Variants in EP300 observed in about 807,000 individuals in gnomAD.
EP300 encodes the protein histone acetyltransferase p300.
Under a neutral mutation model 264.0 loss-of-function variants are expected in EP300, and 31 were observed. That is an observed-to-expected ratio of 0.12 (90% CI 0.09 to 0.16). EP300 has a LOEUF of 0.16. EP300 is among the 10% of genes least tolerant of loss of function. EP300 has a pLI of 1.00. For synonymous variants in EP300, 1,340 were observed against 1,045.4 expected, an observed-to-expected ratio of 1.28 and a Z score of -5.44; for missense variants, 2,766 against 3,052.9, an observed-to-expected ratio of 0.91 and a Z score of 2.21.
chr22:41,168,103 T>C, intron 23 of EP300: 1 of 346,150 alleles, frequency 2.9e-6, no homozygotes, highest in South Asian at 2.3e-5. Flanking sequence ...ATTACAGGCA[T>C]GAGCTACCGC....
In EP300 at chr22:41,117,220, T is replaced by C; in HGVS notation, c.128T>C (p.Leu43Ser). Residue 43 changes from leucine (L) to serine (S), a missense_variant, in exon 2 of 31, where the codon TTA (leucine) becomes TCA (serine). Physicochemically the swap from Leu to Ser is moderately radical, Grantham distance 145. Transcript: ENST00000263253. Reference sequence around the variant, plus strand: ...TCTCTATTTGACTTGGAGCACGACTTACCAGATGAATTAATCAACTCTACA... The same window carrying C: ...TCTCTATTTGACTTGGAGCACGACTCACCAGATGAATTAATCAACTCTACA... The part of the protein sequence containing the change: ...FGSLFDLEHD[L>S]PDELINSTEL... 1 of 1,614,228 alleles carries C rather than the reference T, an allele frequency of 6.2e-7. No homozygotes were observed. The highest frequency in any genetic ancestry group is 1.3e-5 in the African/African-American group (1 of 75,046).
intron 2 of EP300, among the ~76,000 whole-genome samples, chr22:41,118,573 G>A (rs1203034920): frequency 6.6e-6 from 1 of 152,236 alleles, no homozygotes; most frequent in African/African-American, 2.4e-5. Context: ...CTTCGAAGAT[G>A]AAATTGGAGA....
rs754192020 is a variant in EP300, at chr22:41,137,690, G to T, written c.1660G>T (p.Gly554Cys). 5 of 1,613,954 alleles carry T rather than the reference G, an allele frequency of 3.1e-6. No individual in the cohort carries two copies. The Admixed American group carries it at 5.0e-5, about 16-fold the overall frequency. The change falls in exon 8 of 31, where the codon GGT becomes TGT. Residue 554 changes from glycine (G) to cysteine (C), a missense_variant. Coordinates refer to ENST00000263253, the MANE Select transcript of EP300 (RefSeq NM_001429.4). ...TGAAAATGCCAGTGTGCCCTCCCTG[G>T]GTCCTATGCCAACAGCAGCTCAACC... ...MSENASVPSL[G>C]PMPTAAQPST...
Position 41,178,450 on chromosome 22 carries a change from C to G in EP300, c.6739C>G (p.Gln2247Glu). The G allele has an allele frequency of 6.2e-7, 1 of 1,614,118 alleles. No individual in the cohort carries two copies. The highest frequency in any genetic ancestry group is 8.5e-7 in the Non-Finnish European group (1 of 1,180,022). The change falls in exon 31 of 31, where the codon CAG becomes GAG. Residue 2247 changes from glutamine to glutamate, a missense_variant. Coordinates refer to ENST00000263253, the MANE Select transcript of EP300 (RefSeq NM_001429.4). ...GNMGQIGQLP[Q>E]ALGAEAGASL... ...TATGGGACAGATAGGCCAGCTTCCC[C>G]AGGCCTTGGGAGCAGAGGCAGGTGC...
Position 41,149,195 on chromosome 22 carries a change from T to G in EP300, c.2379+20T>G. The G allele has an allele frequency of 6.2e-7, 1 of 1,614,076 alleles. No homozygotes were observed. Among genetic ancestry groups the G allele is most frequent in the South Asian group, 1.1e-5 (1 of 91,072 alleles). The stretch of plus-strand genomic sequence containing the variant: ...TCTCAAGTATGTCTCATAAGTGGAT[T>G]TTTCACTTATTTTTGATTCTTGAAA... On this transcript the variant is annotated intron_variant, in intron 13 of 30. Coordinates refer to ENST00000263253, the MANE Select transcript of EP300 (RefSeq NM_001429.4).
chr22:41,164,022 G>T (rs376957103), intron 21 of EP300, 31 bp from the exon 22 acceptor site: 25 of 1,606,930 alleles, frequency 1.6e-5, no homozygotes, highest in Non-Finnish European at 2.0e-5. Flanking sequence ...AAGGTTTGGG[G>T]TTAATTTTGG....
At chr22:41,100,075 T>A (rs559847755) in intron 1 of EP300, among the ~76,000 whole-genome samples, 1 of 151,864 alleles carries the variant, frequency 6.6e-6, no homozygotes, top group Non-Finnish European at 1.5e-5. Context: ...AGAAAAAAAA[T>A]TTAAAAAGTC....
rs1161532977 is a variant in EP300 at position 41,179,871 on chromosome 22, A to ACCCCCCCCCCCCC, written c.*921_*922insCCCCCCCCCCCCC. The ACCCCCCCCCCCCC allele has an allele frequency of 6.8e-6, 1 of 146,046 alleles. No individual in the cohort carries two copies. Among genetic ancestry groups the ACCCCCCCCCCCCC allele is most frequent in the Non-Finnish European group, 1.4e-5 (1 of 73,276 alleles). 9.0% of individuals were successfully genotyped at this position (146,046 alleles called of 1,614,324 possible). ...TGCTTGCTTTCTTCCTCCTTACCCT[A>ACCCCCCCCCCCCC]CCCCCCACTCACACACACACACACA... On this transcript the variant is annotated 3_prime_UTR_variant, in exon 31 of 31. Coordinates refer to ENST00000263253, the MANE Select transcript of EP300 (RefSeq NM_001429.4).
chr22:41,167,584 G>GTATGTATATATATATATA (rs2059143930), intron 23 of EP300, among the ~76,000 whole-genome samples: 1 of 34,502 alleles, frequency 2.9e-5, no homozygotes, highest in Non-Finnish European at 4.8e-5. Flanking sequence ...GTGTGTGTGT[G>GTATGTATATATATATATA]TATATATATA....
chr22:41,102,817 G>A (rs1003310270), intron 1 of EP300, among the ~76,000 whole-genome samples: 1 of 152,094 alleles, frequency 6.6e-6, no homozygotes, highest in Non-Finnish European at 1.5e-5. Context: ...TAATTCCCCA[G>A]TTTAAAGTTT....
intron 20 of EP300, among the ~76,000 whole-genome samples, chr22:41,161,433 C>T (rs532291670): frequency 1.0e-3 from 159 of 152,128 alleles, no homozygotes; most frequent in African/African-American, 3.6e-3. Flanking sequence ...CTGGCTAACA[C>T]GGTGAAGCCC....
chr22:41,124,569 G>T (rs2058870131), intron 2 of EP300, among the ~76,000 whole-genome samples: 1 of 152,044 alleles, frequency 6.6e-6, no homozygotes, highest in African/African-American at 2.4e-5. Context: ...AGCTGTGGTG[G>T]GAGGATTGCT....
Position 41,178,014 on chromosome 22 carries a change from T to TGGGCAGCCTGGCATGCCCCAG in EP300, c.6312_6332dup (p.Met2106_Gly2112dup). The TGGGCAGCCTGGCATGCCCCAG allele has an allele frequency of 6.2e-7, 1 of 1,614,076 alleles. No homozygotes were observed. On this transcript the variant is annotated inframe_insertion, in exon 31 of 31. Coordinates refer to ENST00000263253, the MANE Select transcript of EP300 (RefSeq NM_001429.4). The stretch of plus-strand genomic sequence containing the variant: ...CCAACTCTAATCCACAACCCATCCC[T>TGGGCAGCCTGGCATGCCCCAG]GGGCAGCCTGGCATGCCCCAGGGGC...
chr22:41,176,638 G>A (rs1031618891), intron 30 of EP300, 110 bp downstream of exon 30: 36 of 1,606,872 alleles, frequency 2.2e-5, no homozygotes, highest in Non-Finnish European at 2.6e-5. Flanking sequence ...GCTTGGCCTC[G>A]TGTTTGAGGG....
At chr22:41,165,720 C>T (rs1352236574) in intron 22 of EP300, among the ~76,000 whole-genome samples, 3 of 151,898 alleles carry the variant, frequency 2.0e-5, no homozygotes, top group Non-Finnish European at 4.4e-5. Flanking sequence ...CTGCACCTGG[C>T]ACATTTTCTT....
Position 41,140,268 on chromosome 22 carries a change from G to A in EP300, c.1878+11G>A. On this transcript the variant is annotated intron_variant, in intron 9 of 30. Transcript: ENST00000263253. ...TCTGCAAACAATCGAGTGAGTGTCT[G>A]GTTTTTTTCTATTAATAGCCAAGAT... 1 of 1,564,174 alleles carries A rather than the reference G, an allele frequency of 6.4e-7. No individual in the cohort carries two copies. Among genetic ancestry groups the A allele is most frequent in the Non-Finnish European group, 8.8e-7 (1 of 1,134,632 alleles).
chr22:41,157,473 C>G, intron 18 of EP300, 65 bp downstream of exon 18: 1 of 1,380,408 alleles, frequency 7.2e-7, no homozygotes, highest in Admixed American at 1.7e-5. Flanking sequence ...ATAGTGGTGA[C>G]TGGGATAAGA....
chr22:41,113,581 C>G (rs939007618), intron 1 of EP300, among the ~76,000 whole-genome samples: 1 of 152,226 alleles, frequency 6.6e-6, no homozygotes, highest in African/African-American at 2.4e-5. Flanking sequence ...GAGTCTCGCT[C>G]TGTCGCCCAG....
chr22:41,166,503 ACTT>A (rs1443357842), intron 22 of EP300, 93 bp from the exon 23 acceptor site: 24 of 947,442 alleles, frequency 2.5e-5, no homozygotes, highest in Non-Finnish European at 3.8e-5. Flanking sequence ...ATTTAGAAAT[ACTT>A]CTGCTAGATT....
Sources: gnomAD v4.1 joint callset for allele counts (sites outside exome capture counted in the v4.1 genomes callset) on GRCh38, gnomAD v4.1.1 for gene constraint, MANE v1.5 for transcripts, NCBI Gene and HGNC (gene_info 2026-07-23, HGNC 2026-07-21) for gene names.